The following C10orf90 variants were observed in gnomAD, a reference collection of about 807,000 sequenced individuals.
C10orf90 encodes (E2-independent) E3 ubiquitin-conjugating enzyme FATS.
In C10orf90, 56 loss-of-function variants were observed where a neutral mutation model predicts 62.5. The ratio of observed to expected loss-of-function variants is 0.90; its 90% confidence interval spans 0.72 to 1.12. The LOEUF (loss-of-function observed/expected upper bound fraction) is 1.12, where lower values mean the gene tolerates loss of function less well. C10orf90 is among the 50% of genes most tolerant of loss of function. The pLI is 0.00. For missense variants in C10orf90, 970 were observed against 880.4 expected, an observed-to-expected ratio of 1.10 and a Z score of -1.29; for synonymous variants, 386 against 340.4, an observed-to-expected ratio of 1.13 and a Z score of -1.47.
At chr10:126,469,005 T>G (rs1047331506) in intron 4 of C10orf90, among the ~76,000 whole-genome samples, 2 of 152,206 alleles carry the variant, frequency 1.3e-5, no homozygotes, top group African/African-American at 2.4e-5. Context: ...GCCCCCTACA[T>G]GCACACAGTC....
At chr10:126,565,202 ATT>A (rs1256347368) in intron 2 of C10orf90, among the ~76,000 whole-genome samples, 3 of 60,710 alleles carry the variant, frequency 4.9e-5, no homozygotes, top group African/African-American at 1.7e-4. Context: ...TATATTACAT[ATT>A]ATGTAATATA....
chr10:126,645,434 A>C (rs1416166744), intron 2 of C10orf90, among the ~76,000 whole-genome samples: 1 of 132,554 alleles, frequency 7.5e-6, no homozygotes, highest in Non-Finnish European at 1.6e-5. Flanking sequence ...ACAAACAAAC[A>C]AAACAACTAG....
chr10:126,645,672 T>C (rs2133850672), intron 2 of C10orf90, among the ~76,000 whole-genome samples: 1 of 151,968 alleles, frequency 6.6e-6, no homozygotes, highest in Middle Eastern at 3.4e-3. Context: ...TTGTTTCAAG[T>C]AATGTTTTTG....
intron 4 of C10orf90, among the ~76,000 whole-genome samples, chr10:126,503,339 CA>C (rs1234503967): frequency 1.3e-5 from 2 of 152,170 alleles, no homozygotes; most frequent in African/African-American, 4.8e-5. Context: ...AAGACAAAAC[CA>C]GGGGGACAGA....
intron 7 of C10orf90, among the ~76,000 whole-genome samples, chr10:126,446,221 A>G (rs1180127205): frequency 1.3e-5 from 2 of 152,128 alleles, no homozygotes; most frequent in Non-Finnish European, 2.9e-5. Context: ...AGCTTATTTA[A>G]AAATGTACCA....
rs372468399 is a variant in C10orf90, at chr10:126,504,763, C to A, written c.728G>T (p.Arg243Leu). The A allele has an allele frequency of 2.5e-5, 39 of 1,586,708 alleles. No homozygotes were observed. The highest frequency in any genetic ancestry group is 3.3e-5 in the Non-Finnish European group (38 of 1,166,146). The stretch of plus-strand genomic sequence containing the variant: ...CAGGGCGCGGGCTGGGGGGCCCACG[C>A]GTCTGGCCGTGATGGTGATGGATGC... ...GFASITITAR[R>L]VGPPARALVW... Residue 243 changes from arginine (R) to leucine (L), a missense_variant, in exon 4 of 10, where the codon CGC becomes CTC. Arg to Leu is a moderately radical substitution (Grantham distance 102, BLOSUM62 -2). Coordinates refer to ENST00000488181, the MANE Select transcript of C10orf90 (RefSeq NM_001350921.2). This position sits in a 1 kb window ranked among gnomAD's most constrained non-coding sequence, Gnocchi z 4.1.
chr10:126,558,563 C>T (rs1864828767), intron 2 of C10orf90, among the ~76,000 whole-genome samples: 1 of 152,166 alleles, frequency 6.6e-6, no homozygotes, highest in Admixed American at 6.5e-5. Flanking sequence ...CAATGTTAGC[C>T]ACGGGTCCTT....
intron 3 of C10orf90, among the ~76,000 whole-genome samples, chr10:126,510,409 A>G (rs1863033167): frequency 6.6e-6 from 1 of 152,180 alleles, no homozygotes; most frequent in Non-Finnish European, 1.5e-5. Context: ...TATCTTCTCA[A>G]ATTAAGCTGT....
intron 4 of C10orf90, among the ~76,000 whole-genome samples, chr10:126,492,342 C>T (rs1861811362): frequency 6.6e-6 from 1 of 152,134 alleles, no homozygotes; most frequent in Admixed American, 6.5e-5. Context: ...ATAATGAAGA[C>T]TTATCCAGCC....
intron 1 of C10orf90, among the ~76,000 whole-genome samples, chr10:126,656,858 C>T (rs1158370893): frequency 1.3e-5 from 2 of 152,184 alleles, no homozygotes; most frequent in Admixed American, 1.3e-4. Context: ...CTTAATAAGG[C>T]TGATTTTTAA....
chr10:126,590,594 A>G (rs934957958), intron 2 of C10orf90, among the ~76,000 whole-genome samples: 4 of 152,188 alleles, frequency 2.6e-5, no homozygotes, highest in African/African-American at 9.7e-5. Flanking sequence ...ACTGCTGGGT[A>G]AATATTAAAA....
chr10:126,582,450 C>T (rs1844772375), intron 2 of C10orf90, among the ~76,000 whole-genome samples: 2 of 152,112 alleles, frequency 1.3e-5, no homozygotes, highest in African/African-American at 4.8e-5. Flanking sequence ...GTGTGGAAAA[C>T]AAGGAGGGTG....
chr10:126,602,985 C>T (rs1443496562), intron 2 of C10orf90, among the ~76,000 whole-genome samples: 1 of 150,200 alleles, frequency 6.7e-6, no homozygotes, highest in Admixed American at 6.7e-5. Flanking sequence ...GAGAGAGAGA[C>T]AGAGTGAGAG....
At chr10:126,455,644 A>T (rs1390772695) in intron 7 of C10orf90, among the ~76,000 whole-genome samples, 3 of 152,164 alleles carry the variant, frequency 2.0e-5, no homozygotes, top group Non-Finnish European at 4.4e-5. Context: ...CATTGTATTT[A>T]TTGGCTCTGA....
intron 2 of C10orf90, among the ~76,000 whole-genome samples, chr10:126,585,076 G>T (rs58414135): frequency 0.079 from 11,969 of 151,830 alleles, 552 homozygotes; most frequent in African/African-American, 0.12. Context: ...TTGGATGGAG[G>T]GGTCCATGCT....
intron 2 of C10orf90, among the ~76,000 whole-genome samples, chr10:126,537,924 C>A (rs1864276581): frequency 6.6e-6 from 1 of 152,100 alleles, no homozygotes. Flanking sequence ...GGGCCCTAAC[C>A]CAATGTGACT....
At chr10:126,426,229 T>C (rs780199575) in intron 8 of C10orf90, 139 bp from the exon 9 acceptor site, 7 of 707,178 alleles carry the variant, frequency 9.9e-6, no homozygotes, top group Non-Finnish European at 1.7e-5. Context: ...AACTGTAGGA[T>C]GCCAGGACGA....
In C10orf90 at chr10:126,580,378, A is replaced by G. The variant is rs559829139; in HGVS notation, c.313+66187T>C. Among the ~76,000 whole-genome samples, 241 of 152,322 alleles carry G rather than the reference A, an allele frequency of 1.6e-3. 1 individual carries two copies. Among genetic ancestry groups the G allele is most frequent in the African/African-American group, 5.7e-3 (235 of 41,582 alleles). Reference sequence around the variant, plus strand: ...ACGTTTAAAAAGACATTAAGAGGCCAGGCGTGGTGGCTCATTCCTGTAATC... The same window carrying G: ...ACGTTTAAAAAGACATTAAGAGGCCGGGCGTGGTGGCTCATTCCTGTAATC... On this transcript the variant is annotated intron_variant, in intron 2 of 9. Transcript: ENST00000488181.
chr10:126,559,975 C>T (rs1165345218), intron 2 of C10orf90, among the ~76,000 whole-genome samples: 1 of 152,192 alleles, frequency 6.6e-6, no homozygotes, highest in Non-Finnish European at 1.5e-5. Flanking sequence ...CCGCGGAGAA[C>T]TGCATATTTG....
Sources: allele counts gnomAD v4.1 joint callset (sites outside exome capture counted in the v4.1 genomes callset), GRCh38; gene constraint gnomAD v4.1.1; non-coding constraint Gnocchi (gnomAD v3.1); transcripts MANE v1.5; gene names NCBI Gene and HGNC (gene_info 2026-07-23, HGNC 2026-07-21).